Variants in BNC1 observed in about 807,000 individuals in gnomAD.
BNC1 encodes the protein basonuclin zinc finger protein 1.
Under a neutral mutation model 66.5 loss-of-function variants are expected in BNC1, and 8 were observed. That is an observed-to-expected ratio of 0.12 (90% CI 0.07 to 0.22). BNC1 has a LOEUF of 0.22. Among genes scored for constraint, BNC1 ranks in the 10% least tolerant of loss-of-function variants. The pLI, the probability that BNC1 is intolerant of heterozygous loss-of-function variation, is 1.00. For synonymous variants in BNC1, 454 were observed against 452.6 expected (o/e 1.00, Z -0.04); for missense variants, 1,069 against 1,241.3 (o/e 0.86, Z 2.09).
Position 83,283,566 on chromosome 15 carries a change from G to A in BNC1, c.99+964C>T, listed in dbSNP as rs1380859654. 13 of 953,776 alleles carry A rather than the reference G, an allele frequency of 1.4e-5. No individual in the cohort carries two copies. The South Asian group carries it at 5.8e-4, about 43-fold the overall frequency. The allele number at this position is 953,776 out of a possible 1,614,324, so 59.1% of individuals were successfully genotyped here. A position where few individuals can be genotyped will look rare whatever the true frequency, so the allele number is the denominator to read the frequency against. On this transcript the variant is annotated intron_variant, in intron 1 of 4. Coordinates refer to ENST00000345382, the MANE Select transcript of BNC1 (RefSeq NM_001717.4). ...GGGGCCGGGGGCTTCCCGTCCCGGC[G>A]CTTCCCATGCAAACCCCTGAAGGAA...
Position 83,263,853 on chromosome 15 carries a change from T to C in BNC1, c.1398A>G (p.Gln466=). Residue 466 remains glutamine, a synonymous_variant, in exon 4 of 5, where the codon CAA becomes CAG. Coordinates refer to ENST00000345382, the MANE Select transcript of BNC1 (RefSeq NM_001717.4). Reference sequence around the variant, plus strand: ...TTTGCCCAATGTTTGGGAAGGCTGGTTGGCCTTTGGAATCCTCTCCTGAAC... The same window carrying C: ...TTTGCCCAATGTTTGGGAAGGCTGGCTGGCCTTTGGAATCCTCTCCTGAAC... ...YPGSGEDSKG[Q]PAFPNIGQNG... 6.2e-7 allele frequency: 1 copy of C among 1,614,224 alleles called. No individual in the cohort carries two copies. Among genetic ancestry groups the C allele is most frequent in the Non-Finnish European group, 8.5e-7 (1 of 1,180,046 alleles).
chr15:83,277,408 C>A (rs55756182), intron 1 of BNC1, among the ~76,000 whole-genome samples: 31,130 of 151,952 alleles, frequency 0.2, 3,342 homozygotes, highest in Admixed American at 0.23. Context: ...CTCCCGGGTT[C>A]AAGTGATTCT....
Position 83,256,504 on chromosome 15 carries a change from AG to A in BNC1, c.*937del, listed in dbSNP as rs1201694997. 6.6e-6 allele frequency: 1 copy of A among 152,608 alleles called. No individual in the cohort carries two copies. Among genetic ancestry groups the A allele is most frequent in the African/African-American group, 2.4e-5 (1 of 41,468 alleles). The allele number at this position is 152,608 out of a possible 1,614,324, so 9.5% of individuals were successfully genotyped here. On this transcript the variant is annotated 3_prime_UTR_variant, in exon 5 of 5. Coordinates refer to ENST00000345382, the MANE Select transcript of BNC1 (RefSeq NM_001717.4). ...ATACTGAAAATACACAACAACCATC[AG>A]AACCACATTATCTACGGCAGAATAT...
intron 1 of BNC1, 147 bp downstream of exon 1, chr15:83,284,383 C>T (rs1345765317): frequency 2.4e-6 from 1 of 419,374 alleles, no homozygotes; most frequent in Non-Finnish European, 3.3e-6. Context: ...TCCCGCCGCG[C>T]CTCGGGGCCG....
chr15:83,259,122 C>A (rs539110988), intron 4 of BNC1, among the ~76,000 whole-genome samples: 1 of 152,142 alleles, frequency 6.6e-6, no homozygotes, highest in African/African-American at 2.4e-5. Context: ...TGATTACTCT[C>A]GAAGGACAGA....
chr15:83,263,647 T>C lies in BNC1; in HGVS notation c.1604A>G (p.Lys535Arg). The change falls in exon 4 of 5, where the codon AAG (lysine) becomes AGG (arginine). Residue 535 changes from lysine (K) to arginine (R), a missense_variant. Physicochemically the swap from Lys to Arg is conservative, Grantham distance 26. Around this residue, in one of 7 missense-constraint regions of BNC1, gnomAD observed 657 missense variants for 715.8 expected, o/e 0.92. Coordinates refer to ENST00000345382, the MANE Select transcript of BNC1 (RefSeq NM_001717.4). ...NEMPFDALPK[K>R]KSRKSSMPIK... ...AGGCATACTGGACTTCCTGGATTTC[T>C]TCTTGGGAAGGGCATCAAATGGCAT... The C allele has an allele frequency of 6.2e-7, 1 of 1,614,258 alleles. No individual in the cohort carries two copies. The highest frequency in any genetic ancestry group is 8.5e-7 in the Non-Finnish European group (1 of 1,180,050).
intron 1 of BNC1, 140 bp downstream of exon 1, chr15:83,284,390 G>T: frequency 2.2e-6 from 1 of 453,318 alleles, no homozygotes; most frequent in Non-Finnish European, 3.0e-6. Context: ...GCGCCTCGGG[G>T]CCGCGCTGCC....
chr15:83,257,856 A>C lies in BNC1; in HGVS notation c.2571T>G (p.Asp857Glu), dbSNP rs1447129821. The C allele has an allele frequency of 9.9e-6, 16 of 1,614,122 alleles. No individual in the cohort carries two copies. Among genetic ancestry groups the C allele is most frequent in the Non-Finnish European group, 1.3e-5 (15 of 1,180,020 alleles). Residue 857 changes from aspartate to glutamate, a missense_variant, in exon 5 of 5, where the codon GAT becomes GAG. Physicochemically the swap from Asp to Glu is conservative, Grantham distance 45. This residue lies in a region of BNC1 where 657 missense variants were observed against 715.8 expected (regional missense o/e 0.92). Coordinates refer to ENST00000345382, the MANE Select transcript of BNC1 (RefSeq NM_001717.4). ...ACTTCATGCTCGAGGTAGTGCTCAA[A>C]TCCAGGATGGTGCCCTCGCTCAAGG... The part of the protein sequence containing the change: ...SGPLSEGTIL[D>E]LSTTSSMKSE...
chr15:83,256,910 G>C lies in BNC1; in HGVS notation c.*532C>G, dbSNP rs1006063522. 6.4e-6 allele frequency: 1 copy of C among 155,572 alleles called. No individual in the cohort carries two copies. Among genetic ancestry groups the C allele is most frequent in the Non-Finnish European group, 1.4e-5 (1 of 70,478 alleles). The allele number at this position is 155,572 out of a possible 1,614,324, so 9.6% of individuals were successfully genotyped here. A position where few individuals can be genotyped will look rare whatever the true frequency, so the allele number is the denominator to read the frequency against. On this transcript the variant is annotated 3_prime_UTR_variant, in exon 5 of 5. Transcript: ENST00000345382. ...TATGAGACCTCTGGTGCAGGGCTGAGGGGAGGGACAATTATCCACTCCAAA... is the reference window on the plus strand; with the variant it reads ...TATGAGACCTCTGGTGCAGGGCTGACGGGAGGGACAATTATCCACTCCAAA...
At chr15:83,259,532 C>G (rs546294544) in intron 4 of BNC1, among the ~76,000 whole-genome samples, 1 of 152,310 alleles carries the variant, frequency 6.6e-6, no homozygotes, top group South Asian at 2.1e-4. Flanking sequence ...ACCCACTTTG[C>G]AAGCAGCCCT....
chr15:83,284,251 A>C (rs2038418920), intron 1 of BNC1, among the ~76,000 whole-genome samples: 1 of 151,624 alleles, frequency 6.6e-6, no homozygotes, highest in African/African-American at 2.4e-5. Flanking sequence ...GCCCGCCGGC[A>C]CCTCCGACGC....
chr15:83,259,606 C>T (rs1383039126), intron 4 of BNC1, among the ~76,000 whole-genome samples: 4 of 152,062 alleles, frequency 2.6e-5, no homozygotes, highest in Non-Finnish European at 5.9e-5. Flanking sequence ...TGGTATGTGC[C>T]GACAGAAAAC....
rs145885730 is a variant in BNC1, at chr15:83,263,135, C to T, written c.2116G>A (p.Val706Met). Residue 706 changes from valine (V) to methionine (M), a missense_variant, in exon 4 of 5, where the codon GTG becomes ATG. Coordinates refer to ENST00000345382, the MANE Select transcript of BNC1 (RefSeq NM_001717.4). The stretch of plus-strand genomic sequence containing the variant: ...TGCCTTGCTAATGCATGCTGACCCA[C>T]GTGCTCCAGTTCTTTAGAATCTTCA... Reference protein sequence around the residue: ...CLEDSKELEHVGQHALARQIE... With the variant: ...CLEDSKELEHMGQHALARQIE... The T allele has an allele frequency of 1.1e-4, 183 of 1,614,202 alleles. No homozygotes were observed. The highest frequency in any genetic ancestry group is 3.1e-4 in the East Asian group (14 of 44,886).
At position 83,270,135 on chromosome 15, in the gene BNC1, T is replaced by G. The variant is rs547971260; in HGVS notation, c.100-1903A>C. 8.5e-5 allele frequency among the ~76,000 whole-genome samples: 13 copies of G among 152,330 alleles called. No individual in the cohort carries two copies. The East Asian group carries it at 2.1e-3, about 25-fold the overall frequency. ...TAGTTGGAGGGAGTGTGTTCTTGTT[T>G]GGTTTGTTTTCATCTTTGAGAAAAA... is the stretch of plus-strand genomic sequence containing the variant. On this transcript the variant is annotated intron_variant, in intron 1 of 4. Transcript: ENST00000345382.
intron 4 of BNC1, among the ~76,000 whole-genome samples, chr15:83,260,732 C>T (rs1291096712): frequency 1.3e-5 from 2 of 152,210 alleles, no homozygotes; most frequent in Non-Finnish European, 2.9e-5. Flanking sequence ...TTGTCCCAGT[C>T]CCTTCCTGAT....
intron 2 of BNC1, among the ~76,000 whole-genome samples, chr15:83,267,517 G>A (rs375838638): frequency 5.3e-5 from 8 of 152,068 alleles, no homozygotes; most frequent in African/African-American, 1.7e-4. Context: ...CTAAGGCCAC[G>A]CTGTCCAATG....
In BNC1 at chr15:83,258,066, A is replaced by C; in HGVS notation, c.2361T>G (p.Ser787Arg). 6.2e-7 allele frequency: 1 copy of C among 1,612,406 alleles called. No individual in the cohort carries two copies. The highest frequency in any genetic ancestry group is 8.5e-7 in the Non-Finnish European group (1 of 1,178,494). The change falls in exon 5 of 5, where the codon AGT (serine) becomes AGG (arginine). Residue 787 changes from serine (S) to arginine (R), a missense_variant. Coordinates refer to ENST00000345382, the MANE Select transcript of BNC1 (RefSeq NM_001717.4). The part of the protein sequence containing the change: ...KALSQEALES[S>R]EDHFRAAYLL... ...GGTAAGCTGCACGGAAATGATCTTC[A>C]CTACTCTCCAATGCTTCCTGGCTCA...
rs1346006194 is a variant in BNC1, at chr15:83,264,615, A to T, written c.636T>A (p.Ser212Arg). 5 of 1,613,918 alleles carry T rather than the reference A, an allele frequency of 3.1e-6. No homozygotes were observed. In the Admixed American group the frequency reaches 8.3e-5, roughly 27 times the overall value. ...VDIRAFIESCSHRSSSLPTPV... is the reference protein window; with the variant it reads ...VDIRAFIESCRHRSSSLPTPV... ...GAGTGGGGAGGCTAGAACTCCTGTG[A>T]CTGCAGCTCTCGATGAAAGCCCTGA... is the stretch of plus-strand genomic sequence containing the variant. The change falls in exon 4 of 5, where the codon AGT (serine) becomes AGA (arginine). Residue 212 changes from serine to arginine, a missense_variant. Around this residue, in one of 7 missense-constraint regions of BNC1, gnomAD observed 181 missense variants for 181.5 expected, o/e 1.00. Coordinates refer to ENST00000345382, the MANE Select transcript of BNC1 (RefSeq NM_001717.4).
In BNC1 at chr15:83,283,145, G is replaced by A. The variant is rs1016726550; in HGVS notation, c.99+1385C>T. 43 of 1,535,306 alleles carry A rather than the reference G, an allele frequency of 2.8e-5. No homozygotes were observed. The Admixed American group carries it at 7.3e-4, about 26-fold the overall frequency. On this transcript the variant is annotated intron_variant, in intron 1 of 4. Transcript: ENST00000345382. Reference sequence around the variant, plus strand: ...GGCATTCCACTTAACTGTCAGACTCGGAGCGGTGGCAGCCCCGCAGCCACA... The same window carrying A: ...GGCATTCCACTTAACTGTCAGACTCAGAGCGGTGGCAGCCCCGCAGCCACA...
Sources: gnomAD v4.1 joint callset for allele counts (sites outside exome capture counted in the v4.1 genomes callset) on GRCh38, gnomAD v4.1.1 for gene constraint, gnomAD v4.1.1 regional missense constraint, MANE v1.5 for transcripts, NCBI Gene and HGNC (gene_info 2026-07-23, HGNC 2026-07-21) for gene names.